TLK1: variants seen among roughly 807,000 people sequenced by gnomAD.
TLK1 encodes the protein serine/threonine-protein kinase tousled-like 1.
A neutral mutation model predicts 105.3 loss-of-function variants in TLK1; 24 were observed. The ratio of observed to expected loss-of-function variants is 0.23; its 90% confidence interval spans 0.17 to 0.32. The LOEUF is 0.32. Ranked by LOEUF, TLK1 falls within the 10% of genes least tolerant of loss-of-function variation. The probability of loss-of-function intolerance (pLI) is 1.00; values close to 1 mark genes in which losing one functional copy is unlikely to be tolerated. For synonymous variants in TLK1, 321 were observed against 310.4 expected (o/e 1.03, Z -0.36); for missense variants, 558 against 910.5 (o/e 0.61, Z 4.98).
intron 1 of TLK1, among the ~76,000 whole-genome samples, chr2:171,210,904 C>G (rs1167085743): frequency 6.6e-6 from 1 of 152,202 alleles, no homozygotes; most frequent in Admixed American, 6.5e-5. Context: ...GCATTTGAAG[C>G]TGAATATATC....
chr2:171,127,385 T>C (rs1195259793), intron 1 of TLK1, among the ~76,000 whole-genome samples: 4 of 152,162 alleles, frequency 2.6e-5, no homozygotes, highest in African/African-American at 4.8e-5. Context: ...GGTTAATAAA[T>C]AGAACATACC....
At chr2:171,049,751 T>A in intron 10 of TLK1, 63 bp downstream of exon 10, 1 of 1,588,038 alleles carries the variant, frequency 6.3e-7, no homozygotes, top group Non-Finnish European at 8.6e-7. Context: ...AAATCTATAA[T>A]CTTTTAAAGT....
rs557279821 is a variant in TLK1 at position 171,079,364 on chromosome 2, TTCTA to T, written c.330+3413_330+3416del. On this transcript the variant is annotated intron_variant, in intron 3 of 20. Coordinates refer to ENST00000431350, the MANE Select transcript of TLK1 (RefSeq NM_012290.5). Reference sequence around the variant, plus strand: ...GCTTTGCTTCCATAGCATCTTGTGCTTCTATCTGTTACAGCACAGCCTACACTGT... The same window carrying T: ...GCTTTGCTTCCATAGCATCTTGTGCTTCTGTTACAGCACAGCCTACACTGT... 2.0e-5 allele frequency among the ~76,000 whole-genome samples: 3 copies of T among 152,316 alleles called. No individual in the cohort carries two copies. In the East Asian group the frequency reaches 5.8e-4, roughly 29 times the overall value.
intron 10 of TLK1, among the ~76,000 whole-genome samples, chr2:171,048,072 C>T (rs1558906944): frequency 6.6e-6 from 1 of 152,194 alleles, no homozygotes; most frequent in Non-Finnish European, 1.5e-5. Context: ...CCTCAGCCTC[C>T]CGAGTAGCTG....
intron 3 of TLK1, among the ~76,000 whole-genome samples, chr2:171,080,906 GC>G (rs1394706581): frequency 2.0e-5 from 3 of 151,786 alleles, no homozygotes. Flanking sequence ...ATGGGGCTTT[GC>G]CATGTTGCCC....
chr2:171,145,169 G>A (rs549126111), intron 1 of TLK1, among the ~76,000 whole-genome samples: 13 of 152,048 alleles, frequency 8.5e-5, no homozygotes, highest in African/African-American at 1.7e-4. Flanking sequence ...TTAGCCAGGC[G>A]TGGAGATGCA....
intron 1 of TLK1, among the ~76,000 whole-genome samples, chr2:171,124,839 A>T (rs1690803590): frequency 6.6e-6 from 1 of 152,206 alleles, no homozygotes; most frequent in Admixed American, 6.5e-5. Context: ...GGCTATTCAG[A>T]GGCCAACTTT....
chr2:171,048,092 G>A (rs1236966539), intron 10 of TLK1, among the ~76,000 whole-genome samples: 2 of 152,126 alleles, frequency 1.3e-5, no homozygotes, highest in Admixed American at 1.3e-4. Flanking sequence ...GGGATTACAG[G>A]CGCCCACCAC....
rs112279050 is a variant in TLK1 at position 171,038,231 on chromosome 2, T to C, written c.1169+7943A>G. ...AGCTGTGGTTTTTAAAAATCAATCA[T>C]ATCAATTGTATCAGGTTTTTTCCCC... On this transcript the variant is annotated intron_variant, in intron 11 of 20. Transcript: ENST00000431350. Among the ~76,000 whole-genome samples, 429 of 152,300 alleles carry C rather than the reference T, an allele frequency of 2.8e-3. 3 individuals carry two copies. Among genetic ancestry groups the C allele is most frequent in the African/African-American group, 9.7e-3 (404 of 41,582 alleles).
intron 2 of TLK1, among the ~76,000 whole-genome samples, chr2:171,097,067 A>G (rs1465651355): frequency 1.3e-5 from 2 of 152,232 alleles, no homozygotes; most frequent in Non-Finnish European, 2.9e-5. Context: ...ATAGTACCTG[A>G]TTTCAAAATA....
chr2:171,078,996 C>G (rs192054904), intron 3 of TLK1, among the ~76,000 whole-genome samples: 1 of 152,146 alleles, frequency 6.6e-6, no homozygotes, highest in Non-Finnish European at 1.5e-5. Flanking sequence ...AAACCTGACC[C>G]CTGCCTACCT....
chr2:171,075,236 A>G (rs1342498126), intron 3 of TLK1, among the ~76,000 whole-genome samples: 1 of 152,180 alleles, frequency 6.6e-6, no homozygotes, highest in African/African-American at 2.4e-5. Context: ...GTGGGTATGT[A>G]TATAAAACAA....
At chr2:171,143,831 C>T (rs545683991) in intron 1 of TLK1, among the ~76,000 whole-genome samples, 2 of 152,114 alleles carry the variant, frequency 1.3e-5, no homozygotes, top group African/African-American at 4.8e-5. Context: ...AAGTGGCAGA[C>T]AAATTTAACC....
intron 1 of TLK1, among the ~76,000 whole-genome samples, chr2:171,226,820 T>C (rs892452295): frequency 3.3e-5 from 5 of 151,816 alleles, no homozygotes; most frequent in Non-Finnish European, 7.3e-5. Context: ...CCAGCTAGAA[T>C]GAAACTACTC....
At chr2:171,174,565 C>G (rs1319747785) in intron 1 of TLK1, among the ~76,000 whole-genome samples, 3 of 152,104 alleles carry the variant, frequency 2.0e-5, no homozygotes, top group Admixed American at 1.3e-4. Context: ...CTAGTATAAT[C>G]TTTATTATAT....
intron 19 of TLK1, 64 bp downstream of exon 19, chr2:170,997,648 T>C: frequency 8.8e-7 from 1 of 1,134,620 alleles, no homozygotes; most frequent in Non-Finnish European, 1.2e-6. Context: ...ATTTTGCTTT[T>C]AAGAAGGAAA....
chr2:171,179,659 C>T (rs947552054), intron 1 of TLK1, among the ~76,000 whole-genome samples: 1 of 152,098 alleles, frequency 6.6e-6, no homozygotes, highest in Non-Finnish European at 1.5e-5. Flanking sequence ...GTAAAGGAGA[C>T]ATTAAGGAGC....
intron 2 of TLK1, among the ~76,000 whole-genome samples, chr2:171,110,032 G>A (rs1288276034): frequency 6.6e-6 from 1 of 152,192 alleles, no homozygotes; most frequent in Non-Finnish European, 1.5e-5. Flanking sequence ...CTGGAGGGAT[G>A]GAAGTGTTCT....
intron 1 of TLK1, among the ~76,000 whole-genome samples, chr2:171,212,307 C>T (rs1201016482): frequency 6.7e-6 from 1 of 148,738 alleles, no homozygotes; most frequent in Non-Finnish European, 1.5e-5. Context: ...TTCACCTCCC[C>T]CACCGCCCCC....
Sources: allele counts gnomAD v4.1 joint callset (sites outside exome capture counted in the v4.1 genomes callset), GRCh38; gene constraint gnomAD v4.1.1; transcripts MANE v1.5; gene names NCBI Gene and HGNC (gene_info 2026-07-23, HGNC 2026-07-21).